STAU2: variants seen among roughly 807,000 people sequenced by gnomAD.
STAU2 encodes double-stranded RNA-binding protein Staufen homolog 2.
In STAU2, 20 loss-of-function variants were observed where a neutral mutation model predicts 65.9. That is an observed-to-expected ratio of 0.30 (90% CI 0.21 to 0.44). The LOEUF (loss-of-function observed/expected upper bound fraction) is 0.44, where lower values mean the gene tolerates loss of function less well. STAU2 is among the 20% of genes least tolerant of loss of function. STAU2 has a pLI of 1.00. For missense variants in STAU2, 558 were observed against 683.9 expected (o/e 0.82, Z 2.05); for synonymous variants, 232 against 233.9 (o/e 0.99, Z 0.07).
intron 8 of STAU2, 48 bp downstream of exon 8, chr8:73,615,627 A>G (rs1812776897): frequency 3.5e-6 from 5 of 1,446,182 alleles, no homozygotes; most frequent in Non-Finnish European, 4.9e-6. Flanking sequence ...TTTGTTTAAA[A>G]TAACCACAGC....
At chr8:73,497,166 GT>G (rs1295161103) in intron 13 of STAU2, among the ~76,000 whole-genome samples, 2 of 151,616 alleles carry the variant, frequency 1.3e-5, no homozygotes, top group African/African-American at 4.8e-5. Context: ...CTCACAGAAA[GT>G]GGATTACTTC....
At chr8:73,696,610 C>A (rs969695357) in intron 4 of STAU2, among the ~76,000 whole-genome samples, 9 of 152,256 alleles carry the variant, frequency 5.9e-5, no homozygotes, top group African/African-American at 2.2e-4. Flanking sequence ...AGGACTACAT[C>A]AAAGTCTCTT....
chr8:73,430,388 C>G (rs1817174351), intron 13 of STAU2, among the ~76,000 whole-genome samples: 1 of 152,198 alleles, frequency 6.6e-6, no homozygotes, highest in African/African-American at 2.4e-5. Flanking sequence ...ACGGACAGAA[C>G]CCTCAGAGCG....
At chr8:73,608,480 G>A (rs1398835883) in intron 9 of STAU2, among the ~76,000 whole-genome samples, 5 of 151,792 alleles carry the variant, frequency 3.3e-5, no homozygotes, top group South Asian at 2.1e-4. Context: ...GGTGGCGCAC[G>A]CCTGTAATCC....
chr8:73,700,016 C>A (rs1222773759), intron 4 of STAU2, among the ~76,000 whole-genome samples: 1 of 152,004 alleles, frequency 6.6e-6, no homozygotes, highest in Non-Finnish European at 1.5e-5. Context: ...AAGGATGGCT[C>A]AACACACACA....
rs969917133 is a variant in STAU2, at chr8:73,708,883, C to G, written c.114+149G>C. On this transcript the variant is annotated intron_variant, in intron 4 of 14. Coordinates refer to ENST00000524300, the MANE Select transcript of STAU2 (RefSeq NM_001164380.2). The stretch of plus-strand genomic sequence containing the variant: ...AGTGAGCTACAAAATAGTTTAGTTA[C>G]ATACTTTGAAATATTATTAATGTAG... The G allele has an allele frequency of 4.7e-6, 3 of 632,832 alleles. No individual in the cohort carries two copies. In the African/African-American group the frequency reaches 5.7e-5, roughly 12 times the overall value. 39.2% of individuals were successfully genotyped at this position (632,832 alleles called of 1,614,324 possible). A position where few individuals can be genotyped will look rare whatever the true frequency, so the allele number is the denominator to read the frequency against.
At chr8:73,713,870 C>A in intron 3 of STAU2, among the ~76,000 whole-genome samples, 1 of 152,032 alleles carries the variant, frequency 6.6e-6, no homozygotes, top group East Asian at 1.9e-4. Flanking sequence ...GAATCCTTTC[C>A]ATCCTTGGTC....
intron 3 of STAU2, among the ~76,000 whole-genome samples, chr8:73,715,627 G>T (rs544163747): frequency 6.6e-6 from 1 of 152,068 alleles, no homozygotes; most frequent in South Asian, 2.1e-4. Flanking sequence ...AATTTCTGAT[G>T]GGCAACATTG....
At chr8:73,427,480 A>G (rs2128880532) in intron 13 of STAU2, among the ~76,000 whole-genome samples, 1 of 152,356 alleles carries the variant, frequency 6.6e-6, no homozygotes, top group South Asian at 2.1e-4. Context: ...ACTCACCCTC[A>G]AAAGACTGAG....
At chr8:73,587,127 G>A (rs1810433286) in intron 11 of STAU2, among the ~76,000 whole-genome samples, 1 of 152,098 alleles carries the variant, frequency 6.6e-6, no homozygotes, top group Non-Finnish European at 1.5e-5. Flanking sequence ...GAAGAATCAG[G>A]TGTTGAAATT....
chr8:73,582,737 C>T lies in STAU2; in HGVS notation c.1222+33G>A. 6 of 1,606,900 alleles carry T rather than the reference C, an allele frequency of 3.7e-6. 1 individual carries two copies. The highest frequency in any genetic ancestry group is 5.1e-6 in the Non-Finnish European group (6 of 1,174,546). On this transcript the variant is annotated intron_variant, in intron 12 of 14. Transcript: ENST00000524300. ...CTAGTCACTGAGCCACTGATGAACA[C>T]CAAGTGCAGACAACATAAAAATGAG...
chr8:73,429,882 A>C (rs2383892), intron 13 of STAU2, among the ~76,000 whole-genome samples: 1 of 152,102 alleles, frequency 6.6e-6, no homozygotes, highest in South Asian at 2.1e-4. Context: ...AGCTCATAAA[A>C]TTATCTCCAT....
chr8:73,421,415 C>T lies in STAU2; in HGVS notation c.1670G>A (p.Gly557Asp). Reference sequence around the variant, plus strand: ...TTTCTTGCAGTCCTGAGCGATGGAGCCCGGGGGTGCCTGGTTATTGTCCGC... The same window carrying T: ...TTTCTTGCAGTCCTGAGCGATGGAGTCCGGGGGTGCCTGGTTATTGTCCGC... The part of the protein sequence containing the change: ...EKADNNQAPP[G>D]SIAQDCKKSN... The change falls in exon 15 of 15, where the codon GGC (glycine) becomes GAC (aspartate). Residue 557 changes from glycine (G) to aspartate (D), a missense_variant. Physicochemically the swap from Gly to Asp is moderately conservative, Grantham distance 94 (BLOSUM62 -1). Around this residue, in one of 3 missense-constraint regions of STAU2, gnomAD observed 247 missense variants for 270.1 expected, o/e 0.91. Coordinates refer to ENST00000524300, the MANE Select transcript of STAU2 (RefSeq NM_001164380.2). 6.5e-7 allele frequency: 1 copy of T among 1,537,246 alleles called. No individual in the cohort carries two copies. The highest frequency in any genetic ancestry group is 8.7e-7 in the Non-Finnish European group (1 of 1,146,920).
At chr8:73,721,116 C>CAAAA (rs1159562570) in intron 3 of STAU2, among the ~76,000 whole-genome samples, 19 of 43,586 alleles carry the variant, frequency 4.4e-4, no homozygotes, top group Non-Finnish European at 5.9e-4. Flanking sequence ...CCCAACACTA[C>CAAAA]AAAAAAAAAA....
chr8:73,425,711 C>A (rs1446473161), intron 13 of STAU2, among the ~76,000 whole-genome samples: 1 of 152,022 alleles, frequency 6.6e-6, no homozygotes, highest in African/African-American at 2.4e-5. Context: ...AATATATAGA[C>A]AAGCAAAAAG....
chr8:73,477,543 A>C (rs182147165), intron 13 of STAU2, among the ~76,000 whole-genome samples: 1 of 152,330 alleles, frequency 6.6e-6, no homozygotes, highest in African/African-American at 2.4e-5. Flanking sequence ...AATGATATGA[A>C]CAGCCTTGTG....
intron 12 of STAU2, among the ~76,000 whole-genome samples, chr8:73,574,680 T>C (rs1809381375): frequency 6.6e-6 from 1 of 152,146 alleles, no homozygotes; most frequent in South Asian, 2.1e-4. Context: ...CACTGCATGT[T>C]CTCACTCATA....
At chr8:73,729,614 C>T (rs1010613998) in intron 3 of STAU2, among the ~76,000 whole-genome samples, 2 of 152,168 alleles carry the variant, frequency 1.3e-5, no homozygotes, top group African/African-American at 4.8e-5. Context: ...GGGTCTCACT[C>T]TATCACCCAG....
intron 13 of STAU2, among the ~76,000 whole-genome samples, chr8:73,436,875 C>T (rs1334492818): frequency 6.6e-6 from 1 of 152,144 alleles, no homozygotes; most frequent in Non-Finnish European, 1.5e-5. Flanking sequence ...GTGTCAGGCA[C>T]CGTGCCTGGT....
Sources: gnomAD v4.1 joint callset for allele counts (sites outside exome capture counted in the v4.1 genomes callset) on GRCh38, gnomAD v4.1.1 for gene constraint, gnomAD v4.1.1 regional missense constraint, MANE v1.5 for transcripts, NCBI Gene and HGNC (gene_info 2026-07-23, HGNC 2026-07-21) for gene names.